The following GALNT14 variants were observed in gnomAD, a reference collection of about 807,000 sequenced individuals.
The protein encoded by GALNT14 is polypeptide N-acetylgalactosaminyltransferase 14, also known as UDP-GalNAc:polypeptide N-acetylgalactosaminyltransferase 14.
A neutral mutation model predicts 77.5 loss-of-function variants in GALNT14; 60 were observed. The ratio of observed to expected loss-of-function variants is 0.77; its 90% CI spans 0.63 to 0.96. The LOEUF (loss-of-function observed/expected upper bound fraction) is 0.96. Ranked by LOEUF, GALNT14 falls within the 40% of genes least tolerant of loss-of-function variation. GALNT14 has a pLI of 0.00. For missense variants in GALNT14, 710 were observed against 731.0 expected (o/e 0.97, Z 0.33); for synonymous variants, 280 against 281.7 (o/e 0.99, Z 0.06).
chr2:31,008,271 T>C (rs1298218480), intron 1 of GALNT14, among the ~76,000 whole-genome samples: 5 of 152,134 alleles, frequency 3.3e-5, no homozygotes, highest in Non-Finnish European at 7.4e-5. Flanking sequence ...TTATTTTTTA[T>C]GTTTTTGTAG....
the GALNT14 span, among the ~76,000 whole-genome samples, chr2:30,901,887 G>A: frequency 9.2e-5 from 14 of 152,222 alleles, no homozygotes; most frequent in African/African-American, 3.4e-4. Context: ...CATGGTTTGA[G>A]GTCTAAATCT....
chr2:30,959,864 G>A (rs775399774), intron 3 of GALNT14, among the ~76,000 whole-genome samples: 2 of 152,126 alleles, frequency 1.3e-5, no homozygotes, highest in Non-Finnish European at 2.9e-5. Context: ...AAACATGGCT[G>A]GGCCACACCA....
chr2:31,137,932 C>T (rs1296577882), intron 1 of GALNT14, 26 bp downstream of exon 1: 2 of 1,595,814 alleles, frequency 1.3e-6, no homozygotes, highest in Admixed American at 1.7e-5. Context: ...CACCGCTCAG[C>T]GCCAGCGCGC....
chr2:31,081,746 T>C (rs908357452), intron 1 of GALNT14, among the ~76,000 whole-genome samples: 3 of 152,202 alleles, frequency 2.0e-5, no homozygotes, highest in African/African-American at 4.8e-5. Context: ...CTTCTAAAAA[T>C]GAAAACCACA....
At chr2:31,129,305 A>C (rs1188809898) in intron 1 of GALNT14, 1 of 841,288 alleles carries the variant, frequency 1.2e-6, no homozygotes, top group Non-Finnish European at 1.4e-6. Flanking sequence ...GGATCAAATG[A>C]GGCAACTGTG....
intron 1 of GALNT14, among the ~76,000 whole-genome samples, chr2:31,000,539 G>A (rs1380117906): frequency 1.3e-5 from 2 of 151,826 alleles, no homozygotes; most frequent in Non-Finnish European, 2.9e-5. Context: ...ATTGGCTCAT[G>A]TGATTATGGA....
intron 11 of GALNT14, among the ~76,000 whole-genome samples, chr2:30,926,128 G>C (rs1189315775): frequency 6.6e-6 from 1 of 152,190 alleles, no homozygotes; most frequent in Non-Finnish European, 1.5e-5. Flanking sequence ...CTCATCACCA[G>C]ACTCTAAGCT....
At chr2:31,004,076 T>C (rs1385751598) in intron 1 of GALNT14, among the ~76,000 whole-genome samples, 2 of 152,210 alleles carry the variant, frequency 1.3e-5, no homozygotes, top group Non-Finnish European at 2.9e-5. Flanking sequence ...CACATCCCAA[T>C]TGCCGGTGGA....
intron 1 of GALNT14, among the ~76,000 whole-genome samples, chr2:31,007,992 T>C (rs1402879544): frequency 6.6e-6 from 1 of 152,206 alleles, no homozygotes; most frequent in African/African-American, 2.4e-5. Flanking sequence ...AATTTTGTTA[T>C]GCTGTGAGAA....
At chr2:30,993,225 T>G (rs996061441) in intron 1 of GALNT14, among the ~76,000 whole-genome samples, 8 of 152,214 alleles carry the variant, frequency 5.3e-5, no homozygotes, top group African/African-American at 1.7e-4. Flanking sequence ...TTCTATATAC[T>G]GGGTGCTGTT....
chr2:31,120,931 A>G (rs2148638101), intron 1 of GALNT14, among the ~76,000 whole-genome samples: 1 of 152,282 alleles, frequency 6.6e-6, no homozygotes, highest in Admixed American at 6.5e-5. Flanking sequence ...CTGTGTTAGG[A>G]CCATTCCTGG....
intron 1 of GALNT14, among the ~76,000 whole-genome samples, chr2:31,024,416 G>A (rs1048822889): frequency 6.6e-6 from 1 of 152,040 alleles, no homozygotes; most frequent in Admixed American, 6.6e-5. Flanking sequence ...GTGGCCCAAA[G>A]TCCCCTCCTA....
chr2:31,025,526 CTGGA>C (rs1248744662), intron 1 of GALNT14, among the ~76,000 whole-genome samples: 1 of 152,146 alleles, frequency 6.6e-6, no homozygotes, highest in Non-Finnish European at 1.5e-5. Context: ...CAAGACAGGG[CTGGA>C]TGGAAGACAG....
intron 1 of GALNT14, among the ~76,000 whole-genome samples, chr2:31,054,966 G>A (rs2148527136): frequency 6.6e-6 from 1 of 152,316 alleles, no homozygotes; most frequent in East Asian, 1.9e-4. Context: ...AAGAGACTGG[G>A]AATAGCTTCC....
intron 1 of GALNT14, among the ~76,000 whole-genome samples, chr2:31,029,611 G>A (rs769243831): frequency 2.0e-4 from 31 of 152,020 alleles, no homozygotes; most frequent in African/African-American, 9.7e-5. Flanking sequence ...GCTGTCCTCC[G>A]CCCCTCTCTT....
intron 13 of GALNT14, among the ~76,000 whole-genome samples, chr2:30,916,607 G>C (rs1664693356): frequency 6.6e-6 from 1 of 152,014 alleles, no homozygotes; most frequent in African/African-American, 2.4e-5. Context: ...CACGTCTGGA[G>C]ATGGCCACTG....
At chr2:30,962,688 C>T (rs1344568867) in intron 3 of GALNT14, among the ~76,000 whole-genome samples, 1 of 152,208 alleles carries the variant, frequency 6.6e-6, no homozygotes, top group Non-Finnish European at 1.5e-5. Context: ...GAGTTCCCCA[C>T]GTGAGCCTGT....
At chr2:31,013,775 G>T (rs1260398357) in intron 1 of GALNT14, among the ~76,000 whole-genome samples, 1 of 152,186 alleles carries the variant, frequency 6.6e-6, no homozygotes, top group African/African-American at 2.4e-5. Context: ...TGCAGTCAAT[G>T]AAGAGGTGGT....
rs370263167 is a variant in GALNT14, at chr2:31,046,708, C to T, written c.130-53701G>A. 2.6e-5 allele frequency among the ~76,000 whole-genome samples: 4 copies of T among 152,182 alleles called. No individual in the cohort carries two copies. The East Asian group carries it at 5.8e-4, about 22-fold the overall frequency. ...GCAGTAGAGGTCAATGGCCTACAGA[C>T]CAAATTTGGCCCATAGATATGAATT... On this transcript the variant is annotated intron_variant, in intron 1 of 14. Coordinates refer to ENST00000349752, the MANE Select transcript of GALNT14 (RefSeq NM_024572.4).
Sources: gnomAD v4.1 joint callset for allele counts (sites outside exome capture counted in the v4.1 genomes callset) on GRCh38, gnomAD v4.1.1 for gene constraint, MANE v1.5 for transcripts, NCBI Gene and HGNC (gene_info 2026-07-23, HGNC 2026-07-21) for gene names.